The following ZNF91 variants were observed in gnomAD, a reference collection of about 807,000 sequenced individuals.
ZNF91 encodes the protein zinc finger protein 91, also known as zinc finger protein 91 (HPF7, HTF10).
In ZNF91, 7 loss-of-function variants were observed where a neutral mutation model predicts 12.6. The ratio of observed to expected loss-of-function variants is 0.55; its 90% CI spans 0.31 to 1.04. The LOEUF is 1.04. ZNF91 is among the 50% of genes least tolerant of loss of function. The pLI is 0.05. For synonymous variants in ZNF91, 453 were observed against 462.6 expected (o/e 0.98, Z 0.27); for missense variants, 1,217 against 1,385.4 (o/e 0.88, Z 1.93).
chr19:23,340,289 AGATT>A (rs1968094760), intron 3 of ZNF91, among the ~76,000 whole-genome samples: 1 of 152,198 alleles, frequency 6.6e-6, no homozygotes, highest in African/African-American at 2.4e-5. Flanking sequence ...ATTGCTAGCT[AGATT>A]AACCACAAAT....
chr19:23,383,069 T>A (rs1219862337), intron 1 of ZNF91, among the ~76,000 whole-genome samples: 2 of 152,216 alleles, frequency 1.3e-5, no homozygotes. Flanking sequence ...GGCCAGTATC[T>A]TTGAACACTG....
downstream of ZNF91, among the ~76,000 whole-genome samples, chr19:23,354,560 C>G (rs541915267): frequency 1.3e-5 from 2 of 152,096 alleles, no homozygotes; most frequent in African/African-American, 4.8e-5. Context: ...AGAACGGGAA[C>G]AAGACAAGGA....
At chr19:23,323,924 C>T in intron 1 of ZNF91, 1 of 145,862 alleles carries the variant, frequency 6.9e-6, no homozygotes, top group African/African-American at 2.6e-5. Flanking sequence ...TTCTTTTCTC[C>T]TCCTCCTTCT....
At chr19:23,356,856 G>A (rs1161560246), downstream of ZNF91, among the ~76,000 whole-genome samples, 1 of 152,200 alleles carries the variant, frequency 6.6e-6, no homozygotes, top group Non-Finnish European at 1.5e-5. Flanking sequence ...CACTTTGGGA[G>A]GCCGAGGTGA....
At chr19:23,392,016 T>C (rs917630221) in intron 1 of ZNF91, among the ~76,000 whole-genome samples, 3 of 152,230 alleles carry the variant, frequency 2.0e-5, no homozygotes, top group Non-Finnish European at 4.4e-5. Flanking sequence ...GTTTACATCT[T>C]ATACCTCAGT....
intron 1 of ZNF91, among the ~76,000 whole-genome samples, chr19:23,389,670 C>A (rs993185768): frequency 6.6e-6 from 1 of 152,190 alleles, no homozygotes; most frequent in South Asian, 2.1e-4. Context: ...CACAGCCTCT[C>A]ATTCCTGGAC....
At chr19:23,390,602 C>G (rs1970032597) in intron 1 of ZNF91, among the ~76,000 whole-genome samples, 1 of 152,204 alleles carries the variant, frequency 6.6e-6, no homozygotes, top group Admixed American at 6.5e-5. Flanking sequence ...AAGGGATCCA[C>G]CCACCTTGGC....
intron 3 of ZNF91, among the ~76,000 whole-genome samples, chr19:23,368,175 T>G (rs537312474): frequency 4.5e-4 from 68 of 152,112 alleles, no homozygotes; most frequent in African/African-American, 1.6e-3. Context: ...CCCAAAGCGC[T>G]GGGCGACGAG....
At position 23,360,063 on chromosome 19, in the gene ZNF91, G is replaced by A. The variant is rs762121091; in HGVS notation, c.2916C>T (p.Gly972=). The part of the protein sequence containing the change: ...GEKPYKCEEC[G]KAFRKSSTLT... ...GAGTTGAAGATTTCCTAAAAGCTTT[G>A]CCACATTCTTCACATTTGTAGGGTT... The change falls in exon 4 of 4, where the codon GGC becomes GGT. Residue 972 remains glycine (G), a synonymous_variant. Coordinates refer to ENST00000300619, the MANE Select transcript of ZNF91 (RefSeq NM_003430.4). 7 of 1,613,124 alleles carry A rather than the reference G, an allele frequency of 4.3e-6. No individual in the cohort carries two copies. The highest frequency in any genetic ancestry group is 5.9e-6 in the Non-Finnish European group (7 of 1,179,998).
At chr19:23,377,480 T>C (rs1028881537) in intron 1 of ZNF91, among the ~76,000 whole-genome samples, 6 of 152,178 alleles carry the variant, frequency 3.9e-5, no homozygotes, top group African/African-American at 1.2e-4. Flanking sequence ...CCCCACTCTA[T>C]GTAATGTGAT....
chr19:23,307,178 GC>G (rs1306437369), intron 3 of ZNF91: 2 of 152,014 alleles, frequency 1.3e-5, no homozygotes, highest in African/African-American at 4.8e-5. Context: ...TTTTGGTTCT[GC>G]TCTCAAAACG....
chr19:23,346,892 T>C (rs1467914753), intron 3 of ZNF91, among the ~76,000 whole-genome samples: 1 of 152,208 alleles, frequency 6.6e-6, no homozygotes, highest in African/African-American at 2.4e-5. Flanking sequence ...CTGTATGCTC[T>C]ATTCATAGAA....
chr19:23,361,738 G>A lies in ZNF91; in HGVS notation c.1241C>T (p.Ala414Val), dbSNP rs1279692589. 1.9e-6 allele frequency: 3 copies of A among 1,610,676 alleles called. No homozygotes were observed. Among genetic ancestry groups the A allele is most frequent in the African/African-American group, 2.7e-5 (2 of 74,608 alleles). Residue 414 changes from alanine (A) to valine (V), a missense_variant, in exon 4 of 4, where the codon GCT (alanine) becomes GTT (valine). Around this residue, in one of 2 missense-constraint regions of ZNF91, gnomAD observed 726 missense variants for 895.5 expected, o/e 0.81. Transcript: ENST00000300619. ...KLYKCEECGK[A>V]FNRSSNLTIH... ...AGTAAGATTTGAAGATCGATTAAAA[G>A]CTTTGCCACATTCTTCACATTTGTA...
chr19:23,379,473 G>A (rs1473374545), intron 1 of ZNF91, among the ~76,000 whole-genome samples: 1 of 152,178 alleles, frequency 6.6e-6, no homozygotes, highest in Non-Finnish European at 1.5e-5. Flanking sequence ...AATGTCACAT[G>A]CATTACAATC....
chr19:23,372,272 T>C (rs376032425), intron 3 of ZNF91, among the ~76,000 whole-genome samples: 6 of 151,974 alleles, frequency 3.9e-5, no homozygotes, highest in Non-Finnish European at 5.9e-5. Context: ...GCAAGAAAAT[T>C]TGGCAGCCAT....
At chr19:23,335,287 G>A (rs957180898), downstream of ZNF91, among the ~76,000 whole-genome samples, 1 of 152,244 alleles carries the variant, frequency 6.6e-6, no homozygotes, top group Non-Finnish European at 1.5e-5. Flanking sequence ...GCCACTTGAA[G>A]AGGCAGTCTG....
chr19:23,382,022 G>A (rs1459906594), intron 1 of ZNF91, among the ~76,000 whole-genome samples: 5 of 141,570 alleles, frequency 3.5e-5, no homozygotes, highest in African/African-American at 5.3e-5. Flanking sequence ...AATTAATCTC[G>A]GGTCCCAGAT....
At chr19:23,311,268 C>T (rs559787879), upstream of ZNF91, among the ~76,000 whole-genome samples, 6 of 152,194 alleles carry the variant, frequency 3.9e-5, no homozygotes, top group East Asian at 1.9e-4. Context: ...TGTTGATGTG[C>T]GCTGCATCCA....
chr19:23,341,170 C>T (rs1305968874), intron 3 of ZNF91, among the ~76,000 whole-genome samples: 1 of 151,770 alleles, frequency 6.6e-6, no homozygotes, highest in South Asian at 2.1e-4. Context: ...TCTGTGTCAG[C>T]CTCCTGAGGA....
Sources: allele counts gnomAD v4.1 joint callset (sites outside exome capture counted in the v4.1 genomes callset), GRCh38; gene constraint gnomAD v4.1.1; regional missense constraint gnomAD v4.1.1; transcripts MANE v1.5; gene names NCBI Gene and HGNC (gene_info 2026-07-23, HGNC 2026-07-21).